Variants in RIC1 observed in about 807,000 individuals in gnomAD.
The protein encoded by RIC1 is guanine nucleotide exchange factor subunit RIC1.
In RIC1, 88 loss-of-function variants were observed where a neutral mutation model predicts 169.0. The observed-to-expected ratio is 0.52, with a 90% CI of 0.44 to 0.62. The LOEUF (loss-of-function observed/expected upper bound fraction) is 0.62. Among genes scored for constraint, RIC1 ranks in the 20% least tolerant of loss-of-function variants. The probability of loss-of-function intolerance (pLI) is 0.00; values close to 1 mark genes in which losing one functional copy is unlikely to be tolerated. For synonymous variants in RIC1, 790 were observed against 601.5 expected, an observed-to-expected ratio of 1.31 and a Z score of -4.59; for missense variants, 1,877 against 1,725.5, an observed-to-expected ratio of 1.09 and a Z score of -1.56.
At chr9:5,705,673 C>T (rs1173181463) in intron 3 of RIC1, among the ~76,000 whole-genome samples, 13 of 151,996 alleles carry the variant, frequency 8.6e-5, no homozygotes, top group Admixed American at 6.6e-4. Flanking sequence ...TTATGCTGAA[C>T]GGAAGTAGTG....
At chr9:5,701,440 C>A (rs996336885) in intron 3 of RIC1, among the ~76,000 whole-genome samples, 2 of 152,076 alleles carry the variant, frequency 1.3e-5, no homozygotes, top group Non-Finnish European at 2.9e-5. Flanking sequence ...AGCAGAACCC[C>A]CGTCTCTACT....
intron 3 of RIC1, among the ~76,000 whole-genome samples, chr9:5,712,643 C>A (rs1823002705): frequency 6.6e-6 from 1 of 152,182 alleles, no homozygotes; most frequent in Non-Finnish European, 1.5e-5. Flanking sequence ...TGAATTTTAA[C>A]TTCTGTATAT....
chr9:5,765,146 A>AG (rs1826628653), intron 19 of RIC1: 1 of 305,854 alleles, frequency 3.3e-6, no homozygotes, highest in South Asian at 9.3e-5. Context: ...GCCTATCTGC[A>AG]GAGTCACTGG....
At chr9:5,752,910 C>T (rs1189044087) in intron 12 of RIC1, among the ~76,000 whole-genome samples, 6 of 152,182 alleles carry the variant, frequency 3.9e-5, no homozygotes, top group African/African-American at 1.4e-4. Flanking sequence ...CAGGTGCCTT[C>T]TCTGAAAATC....
At chr9:5,653,623 A>C (rs565591814) in intron 1 of RIC1, among the ~76,000 whole-genome samples, 3 of 150,940 alleles carry the variant, frequency 2.0e-5, no homozygotes, top group Admixed American at 2.0e-4. Context: ...TTTGAGACGG[A>C]GTTTCACTCT....
intron 18 of RIC1, 135 bp downstream of exon 18, chr9:5,762,795 C>T: frequency 1.7e-6 from 2 of 1,151,164 alleles, no homozygotes; most frequent in Non-Finnish European, 2.4e-6. Flanking sequence ...CAGTCTTAAG[C>T]CTCTGGGTGT....
At chr9:5,673,075 T>G (rs1472286286) in intron 2 of RIC1, among the ~76,000 whole-genome samples, 1 of 152,120 alleles carries the variant, frequency 6.6e-6, no homozygotes, top group Non-Finnish European at 1.5e-5. Flanking sequence ...TGTAACTAAT[T>G]CCTAGGTTAG....
chr9:5,701,616 C>A (rs867370611), intron 3 of RIC1, among the ~76,000 whole-genome samples: 1 of 151,146 alleles, frequency 6.6e-6, no homozygotes, highest in Non-Finnish European at 1.5e-5. Context: ...AAGAAAAGTT[C>A]AGTTACATTT....
chr9:5,688,676 G>A (rs2130700287), intron 2 of RIC1, among the ~76,000 whole-genome samples: 1 of 152,256 alleles, frequency 6.6e-6, no homozygotes, highest in East Asian at 1.9e-4. Context: ...TGGTCAAAAA[G>A]AAAGCAAACC....
chr9:5,687,030 T>C (rs1337431357), intron 2 of RIC1, among the ~76,000 whole-genome samples: 2 of 152,214 alleles, frequency 1.3e-5, no homozygotes, highest in East Asian at 1.9e-4. Flanking sequence ...TTAACAGACA[T>C]TGGCTTTTCA....
At chr9:5,752,435 T>G (rs1405670564) in intron 12 of RIC1, among the ~76,000 whole-genome samples, 6 of 150,734 alleles carry the variant, frequency 4.0e-5, no homozygotes, top group South Asian at 4.2e-4. Context: ...ATTTCATAAG[T>G]TTTTTTTTGT....
At chr9:5,743,906 C>T (rs1825226266) in intron 10 of RIC1, among the ~76,000 whole-genome samples, 169 bp downstream of exon 10, 1 of 152,028 alleles carries the variant, frequency 6.6e-6, no homozygotes, top group South Asian at 2.1e-4. Flanking sequence ...CTAAGCGATC[C>T]TCCTGCCTCA....
chr9:5,684,163 G>A (rs773373818), intron 2 of RIC1, among the ~76,000 whole-genome samples: 49 of 150,748 alleles, frequency 3.3e-4, no homozygotes, highest in Non-Finnish European at 5.8e-4. Context: ...GGCACACCCC[G>A]GTGAGATGAA....
chr9:5,775,830 G>A lies in RIC1; in HGVS notation c.*1584G>A, dbSNP rs559930847. ...AAAATGAAACTCCCGAATGGGTGGAGTATGTGATTATTGGTACCTGGTCCT... is the reference window on the plus strand; with the variant it reads ...AAAATGAAACTCCCGAATGGGTGGAATATGTGATTATTGGTACCTGGTCCT... On this transcript the variant is annotated 3_prime_UTR_variant, in exon 26 of 26. Transcript: ENST00000414202. 23 of 152,176 alleles carry A rather than the reference G, an allele frequency of 1.5e-4. No individual in the cohort carries two copies. The highest frequency in any genetic ancestry group is 3.9e-4 in the African/African-American group (16 of 41,454). 9.4% of individuals were successfully genotyped at this position (152,176 alleles called of 1,614,324 possible). A position where few individuals can be genotyped will look rare whatever the true frequency, so the allele number is the denominator to read the frequency against.
intron 2 of RIC1, among the ~76,000 whole-genome samples, chr9:5,666,151 C>T (rs868763042): frequency 1.3e-5 from 2 of 152,144 alleles, no homozygotes; most frequent in African/African-American, 2.4e-5. Context: ...AGACCCACTA[C>T]CCCATGAGGA....
At chr9:5,765,238 C>T (rs1826640544) in intron 19 of RIC1, 176 bp from the exon 20 acceptor site, 1 of 616,066 alleles carries the variant, frequency 1.6e-6, no homozygotes, top group African/African-American at 1.8e-5. Flanking sequence ...TTTACATACA[C>T]CAGAAGAGTA....
At chr9:5,740,249 T>A (rs1047076312) in intron 8 of RIC1, among the ~76,000 whole-genome samples, 1 of 152,172 alleles carries the variant, frequency 6.6e-6, no homozygotes, top group Admixed American at 6.5e-5. Flanking sequence ...TGCATAACTC[T>A]ATATAAACAG....
At chr9:5,750,330 T>C (rs1047396370) in intron 12 of RIC1, among the ~76,000 whole-genome samples, 1 of 151,882 alleles carries the variant, frequency 6.6e-6, no homozygotes, top group African/African-American at 2.4e-5. Flanking sequence ...TCTGAGGGTG[T>C]TGGTTTGATG....
chr9:5,668,468 T>G (rs1249966105), intron 2 of RIC1, among the ~76,000 whole-genome samples: 5 of 152,246 alleles, frequency 3.3e-5, no homozygotes, highest in Middle Eastern at 3.2e-3. Context: ...TTAAGGCTCC[T>G]GACATTTTCA....
Sources: gnomAD v4.1 joint callset for allele counts (sites outside exome capture counted in the v4.1 genomes callset) on GRCh38, gnomAD v4.1.1 for gene constraint, MANE v1.5 for transcripts, NCBI Gene and HGNC (gene_info 2026-07-23, HGNC 2026-07-21) for gene names.